Variants in KYAT1 observed in about 807,000 individuals in gnomAD.
KYAT1 encodes the protein kynurenine aminotransferase 1.
A neutral mutation model predicts 52.4 loss-of-function variants in KYAT1; 47 were observed. The ratio of observed to expected loss-of-function variants is 0.90; its 90% confidence interval spans 0.71 to 1.14. KYAT1 has a LOEUF of 1.14. Ranked by LOEUF, KYAT1 falls within the 50% of genes most tolerant of loss-of-function variation. KYAT1 has a pLI of 0.00. For missense variants in KYAT1, 480 were observed against 557.9 expected (o/e 0.86, Z 1.41); for synonymous variants, 212 against 209.6 (o/e 1.01, Z -0.10).
rs56210632 is a variant in KYAT1, at chr9:128,842,148, G to A, written c.201+506C>T. On this transcript the variant is annotated intron_variant, in intron 3 of 12. Transcript: ENST00000302586. Reference sequence around the variant, plus strand: ...GTCAAGGCTGCAGTGGACCATGATCGCACCATTGCACTCCAGCCTGGATAA... The same window carrying A: ...GTCAAGGCTGCAGTGGACCATGATCACACCATTGCACTCCAGCCTGGATAA... 707 of 325,484 alleles carry A rather than the reference G, an allele frequency of 2.2e-3. 2 individuals carry two copies. The highest frequency in any genetic ancestry group is 0.014 in the African/African-American group (658 of 45,804). The allele number at this position is 325,484 out of a possible 1,614,324, so 20.2% of individuals were successfully genotyped here. A position where few individuals can be genotyped will look rare whatever the true frequency, so the allele number is the denominator to read the frequency against.
chr9:128,869,322 C>T (rs1431158449), intron 1 of KYAT1, among the ~76,000 whole-genome samples: 14 of 152,028 alleles, frequency 9.2e-5, no homozygotes, highest in East Asian at 2.0e-4. Flanking sequence ...CCACCACGCC[C>T]GGCTAATTTT....
At chr9:128,843,612 C>A (rs1367234628) in intron 2 of KYAT1, among the ~76,000 whole-genome samples, 1 of 152,116 alleles carries the variant, frequency 6.6e-6, no homozygotes, top group African/African-American at 2.4e-5. Flanking sequence ...CTCCTGACCT[C>A]AGGTGATCCA....
intron 3 of KYAT1, chr9:128,840,677 T>C (rs1042924781): frequency 1.4e-5 from 6 of 438,194 alleles, no homozygotes; most frequent in Non-Finnish European, 1.8e-5. Flanking sequence ...ACCAGCCTAT[T>C]GGCAGGGATG....
At chr9:128,849,709 T>C (rs1353343410) in intron 1 of KYAT1, among the ~76,000 whole-genome samples, 1 of 148,690 alleles carries the variant, frequency 6.7e-6, no homozygotes, top group Admixed American at 6.7e-5. Context: ...AGGCAGAGAA[T>C]TGCTTCAACT....
rs1431662184 is a variant in KYAT1, at chr9:128,836,053, C to G, written c.709G>C (p.Glu237Gln). 1.2e-6 allele frequency: 2 copies of G among 1,613,976 alleles called. No individual in the cohort carries two copies. The highest frequency in any genetic ancestry group is 1.7e-6 in the Non-Finnish European group (2 of 1,179,890). ...ISIASLPGMW[E>Q]RTLTIGSAGK... ...GCGCTGCCGATGGTCAGGGTCCGTT[C>G]CCACATGCCAGGGAGGCTGGCTGCC... Residue 237 changes from glutamate to glutamine, a missense_variant, in exon 8 of 13, where the codon GAA becomes CAA. By Grantham distance (29) the Glu-to-Gln change is conservative. Coordinates refer to ENST00000302586, the MANE Select transcript of KYAT1 (RefSeq NM_004059.5).
intron 1 of KYAT1, among the ~76,000 whole-genome samples, chr9:128,848,093 G>A (rs1254187777): frequency 6.6e-6 from 1 of 152,180 alleles, no homozygotes; most frequent in African/African-American, 2.4e-5. Context: ...GCCAAAGCAG[G>A]AGGATCTCTT....
At chr9:128,860,569 T>A (rs1290456024) in intron 1 of KYAT1, 11 of 146,890 alleles carry the variant, frequency 7.5e-5, no homozygotes, top group African/African-American at 2.5e-4. Context: ...TGTTCAGCCT[T>A]TTTTTTTTTT....
chr9:128,876,550 T>C (rs1226577438), intron 1 of KYAT1, among the ~76,000 whole-genome samples: 17 of 140,906 alleles, frequency 1.2e-4, no homozygotes, highest in East Asian at 4.4e-4. Flanking sequence ...CCCGAGTAGC[T>C]GGGACTACAG....
chr9:128,842,092 T>G, intron 3 of KYAT1: 1 of 343,770 alleles, frequency 2.9e-6, no homozygotes, highest in Non-Finnish European at 6.0e-6. Context: ...CTCCAGAGGC[T>G]GAGGTGGGAG....
chr9:128,870,634 CACAA>C lies in KYAT1; in HGVS notation c.-7+11259_-7+11262del, dbSNP rs202218340. On this transcript the variant is annotated intron_variant, in intron 1 of 12. Coordinates refer to ENST00000302586, the MANE Select transcript of KYAT1 (RefSeq NM_004059.5). ...TCTGGACAACAGAGCAAGACCCTGT[CACAA>C]ACAAACAAACAAAACACACTAAGTG... Among the ~76,000 whole-genome samples, 1,115 of 152,194 alleles carry C rather than the reference CACAA, an allele frequency of 7.3e-3. 7 individuals are homozygous for C. The highest frequency in any genetic ancestry group is 0.019 in the African/African-American group (789 of 41,518).
At chr9:128,858,065 C>T (rs1472521961) in intron 1 of KYAT1, among the ~76,000 whole-genome samples, 3 of 152,092 alleles carry the variant, frequency 2.0e-5, no homozygotes, top group African/African-American at 7.2e-5. Flanking sequence ...AAGGAAATAT[C>T]TGCAAATCAT....
chr9:128,837,651 C>T lies in KYAT1; in HGVS notation c.567+34G>A, dbSNP rs779831428. On this transcript the variant is annotated intron_variant, in intron 6 of 12. Coordinates refer to ENST00000302586, the MANE Select transcript of KYAT1 (RefSeq NM_004059.5). ...ACAGTGCAGGAGACATGACCAGGTC[C>T]GCAGGGGGCCAGGGAAGGAGGTCCC... is the stretch of plus-strand genomic sequence containing the variant. 46 of 1,612,664 alleles carry T rather than the reference C, an allele frequency of 2.9e-5. No homozygotes were observed. The Admixed American group carries it at 3.2e-4, about 11-fold the overall frequency.
At chr9:128,845,840 G>A (rs1047565097) in intron 1 of KYAT1, among the ~76,000 whole-genome samples, 1 of 152,248 alleles carries the variant, frequency 6.6e-6, no homozygotes, top group African/African-American at 2.4e-5. Context: ...ACTTACAGAG[G>A]TCTTGCTAAG....
At chr9:128,838,391 T>A (rs759070881) in intron 3 of KYAT1, 24 bp from the exon 4 acceptor site, 3 of 1,613,806 alleles carry the variant, frequency 1.9e-6, no homozygotes, top group Non-Finnish European at 2.5e-6. Context: ...AGGGGTTAAC[T>A]GTCCAGCTCA....
At chr9:128,880,051 A>G (rs1838587109) in intron 1 of KYAT1, among the ~76,000 whole-genome samples, 1 of 152,188 alleles carries the variant, frequency 6.6e-6, no homozygotes, top group Non-Finnish European at 1.5e-5. Flanking sequence ...TCTGTGCCTC[A>G]CTTATCTGTA....
intron 1 of KYAT1, chr9:128,847,790 C>T: frequency 5.2e-6 from 2 of 386,344 alleles, no homozygotes; most frequent in South Asian, 8.4e-5. Flanking sequence ...CCCCCAGCAA[C>T]CCAAGTGACC....
At position 128,835,315 on chromosome 9, in the gene KYAT1, C is replaced by T. The variant is rs1297867363; in HGVS notation, c.1122+8G>A. The T allele has an allele frequency of 1.2e-6, 2 of 1,612,590 alleles. No individual in the cohort carries two copies. The highest frequency in any genetic ancestry group is 1.7e-6 in the Non-Finnish European group (2 of 1,178,862). ...CATACATGGCTGCCTGGCAGAGGCC[C>T]AGCCCACCTTGTTCTTGATCATCCA... On this transcript the variant is annotated splice_region_variant and intron_variant, in intron 11 of 12. Transcript: ENST00000302586.
In KYAT1 at chr9:128,836,089, C is replaced by T; in HGVS notation, c.689-16G>A. ...GGGAGGCTGGCTGCCCAAGGCCGAACAGAACAGCTGCTGAGACTGGGGTGA... is the reference window on the plus strand; with the variant it reads ...GGGAGGCTGGCTGCCCAAGGCCGAATAGAACAGCTGCTGAGACTGGGGTGA... On this transcript the variant is annotated splice_polypyrimidine_tract_variant and intron_variant, in intron 7 of 12. Transcript: ENST00000302586. 1 of 1,612,884 alleles carries T rather than the reference C, an allele frequency of 6.2e-7. No homozygotes were observed. The highest frequency in any genetic ancestry group is 8.5e-7 in the Non-Finnish European group (1 of 1,179,186).
intron 1 of KYAT1, among the ~76,000 whole-genome samples, chr9:128,868,163 A>T (rs537347952): frequency 1.0e-3 from 155 of 151,210 alleles, no homozygotes; most frequent in African/African-American, 3.4e-3. Flanking sequence ...AATAAACCCA[A>T]ACATCTATGG....
Sources: gnomAD v4.1 joint callset for allele counts (sites outside exome capture counted in the v4.1 genomes callset) on GRCh38, gnomAD v4.1.1 for gene constraint, MANE v1.5 for transcripts, NCBI Gene and HGNC (gene_info 2026-07-23, HGNC 2026-07-21) for gene names.